SUMF1: variants seen among roughly 807,000 people sequenced by gnomAD.
The protein encoded by SUMF1 is sulfatase modifying factor 1.
Under a neutral mutation model 47.6 loss-of-function variants are expected in SUMF1, and 48 were observed. That is an observed-to-expected ratio of 1.01 (90% CI 0.80 to 1.28). The LOEUF (loss-of-function observed/expected upper bound fraction) is 1.28. SUMF1 is among the 50% of genes most tolerant of loss of function. The probability of loss-of-function intolerance (pLI) is 0.00; values close to 1 mark genes in which losing one functional copy is unlikely to be tolerated. For missense variants in SUMF1, 571 were observed against 485.4 expected (o/e 1.18, Z -1.66); for synonymous variants, 230 against 192.1 (o/e 1.20, Z -1.63).
intron 1 of SUMF1, among the ~76,000 whole-genome samples, chr3:4,456,847 T>TGTATATATATAC: frequency 1.0e-5 from 1 of 98,802 alleles, no homozygotes; most frequent in Non-Finnish European, 2.4e-5. Context: ...TATATATACG[T>TGTATATATATAC]GTGTGTATAT....
intron 9 of SUMF1, among the ~76,000 whole-genome samples, chr3:4,052,090 G>A (rs1325299259): frequency 6.6e-6 from 1 of 152,066 alleles, no homozygotes; most frequent in Non-Finnish European, 1.5e-5. Context: ...TTGTCTCATA[G>A]CTCTGGAGGC....
chr3:4,253,485 A>T (rs577585055), intron 8 of SUMF1, among the ~76,000 whole-genome samples: 1 of 152,064 alleles, frequency 6.6e-6, no homozygotes, highest in Non-Finnish European at 1.5e-5. Flanking sequence ...CTTTCCGAGT[A>T]AAAGAAAGGG....
chr3:4,208,425 C>T (rs1186097710), intron 8 of SUMF1, among the ~76,000 whole-genome samples: 1 of 143,600 alleles, frequency 7.0e-6, no homozygotes, highest in African/African-American at 2.6e-5. Context: ...CCCAGTATAT[C>T]ATGTCAACCT....
At chr3:4,190,572 C>A (rs1349381320) in intron 8 of SUMF1, among the ~76,000 whole-genome samples, 5 of 152,008 alleles carry the variant, frequency 3.3e-5, no homozygotes, top group Non-Finnish European at 5.9e-5. Flanking sequence ...ATAACAATCC[C>A]CTACATTTGT....
chr3:4,324,280 T>TTGGTATCATAGTTG (rs1287995952), intron 8 of SUMF1, among the ~76,000 whole-genome samples: 1 of 152,160 alleles, frequency 6.6e-6, no homozygotes, highest in East Asian at 1.9e-4. Flanking sequence ...TTGGTATCAT[T>TTGGTATCATAGTTG]GTTAATAGAA....
intron 9 of SUMF1, among the ~76,000 whole-genome samples, chr3:4,046,369 C>T (rs1016423232): frequency 6.6e-6 from 1 of 152,148 alleles, no homozygotes; most frequent in African/African-American, 2.4e-5. Flanking sequence ...AGATTACCTG[C>T]CCCAGTCTCC....
chr3:4,135,746 C>T (rs770539946), intron 8 of SUMF1, among the ~76,000 whole-genome samples: 1 of 152,172 alleles, frequency 6.6e-6, no homozygotes, highest in Non-Finnish European at 1.5e-5. Flanking sequence ...AGCCCAAAAT[C>T]TCCTTCAGCT....
intron 8 of SUMF1, among the ~76,000 whole-genome samples, chr3:4,161,916 C>T (rs1694586058): frequency 6.6e-6 from 1 of 152,020 alleles, no homozygotes; most frequent in Non-Finnish European, 1.5e-5. Flanking sequence ...TGCTGGGTCA[C>T]ACTGGAAGCC....
Position 4,281,802 on chromosome 3 carries a change from AAAG to A in SUMF1, c.1014+94525_1014+94527del, listed in dbSNP as rs375658546. Among the ~76,000 whole-genome samples the A allele has an allele frequency of 3.3e-4, 51 of 152,308 alleles. 1 individual carries two copies. Among genetic ancestry groups the A allele is most frequent in the African/African-American group, 1.1e-3 (46 of 41,576 alleles). On this transcript the variant is annotated intron_variant and NMD_transcript_variant, in intron 8 of 12. Transcript: ENST00000448413. Reference sequence around the variant, plus strand: ...GGAGGGTAGAGTGGAAGGAGTACAGAAAGAAGAAGAAAAGTGGGAACAGGAGTG... The same window carrying A: ...GGAGGGTAGAGTGGAAGGAGTACAGAAAGAAGAAAAGTGGGAACAGGAGTG...
At chr3:4,251,631 C>G (rs1028754281) in intron 8 of SUMF1, among the ~76,000 whole-genome samples, 4 of 152,206 alleles carry the variant, frequency 2.6e-5, no homozygotes, top group African/African-American at 9.6e-5. Flanking sequence ...TGACCTCCAT[C>G]CTGGTGAATA....
At chr3:4,069,499 G>A (rs1036639843) in intron 8 of SUMF1, among the ~76,000 whole-genome samples, 11 of 152,160 alleles carry the variant, frequency 7.2e-5, no homozygotes, top group Non-Finnish European at 1.6e-4. Flanking sequence ...GGAGATACAG[G>A]TAACATGCAA....
rs73120456 is a variant in SUMF1, at chr3:4,189,413, T to A, written c.1015-120668A>T. ...TTAAAAGACAGGCATGTTAATTAAA[T>A]TAAAATGTCTAAAATCCAAGTTCAT... On this transcript the variant is annotated intron_variant and NMD_transcript_variant, in intron 8 of 12. Transcript: ENST00000448413. Among the ~76,000 whole-genome samples, 1,420 of 152,280 alleles carry A rather than the reference T, an allele frequency of 9.3e-3. 23 individuals are homozygous for A. Among genetic ancestry groups the A allele is most frequent in the African/African-American group, 0.032 (1,350 of 41,546 alleles).
intron 8 of SUMF1, among the ~76,000 whole-genome samples, chr3:4,082,081 T>G (rs1413760928): frequency 6.6e-6 from 1 of 152,140 alleles, no homozygotes; most frequent in Non-Finnish European, 1.5e-5. Flanking sequence ...CAAGCACATA[T>G]GGGAAAATAT....
In SUMF1 at chr3:4,122,178, A is replaced by G. The variant is rs373603860; in HGVS notation, c.1015-53433T>C. On this transcript the variant is annotated intron_variant and NMD_transcript_variant, in intron 8 of 12. Coordinates refer to the SUMF1 transcript ENST00000448413. ...GGTGAATACAGCAGCAGCACTATTC[A>G]CAATAAGCAAAAGGTAGAAACAACT... Among the ~76,000 whole-genome samples the G allele has an allele frequency of 1.1e-4, 17 of 152,260 alleles. 3 individuals are homozygous for G. Among genetic ancestry groups the G allele is most frequent in the East Asian group, 1.9e-4 (1 of 5,186 alleles).
At chr3:4,210,079 G>GAGAC (rs1383187144) in intron 8 of SUMF1, among the ~76,000 whole-genome samples, 1 of 151,978 alleles carries the variant, frequency 6.6e-6, no homozygotes, top group African/African-American at 2.4e-5. Context: ...ATTTTTAGTA[G>GAGAC]AGACAAGGTT....
At chr3:4,376,241 A>T (rs1019263161) in intron 8 of SUMF1, 89 bp downstream of exon 8, 57 of 1,478,674 alleles carry the variant, frequency 3.9e-5, no homozygotes, top group Non-Finnish European at 5.3e-5. Context: ...TGCAGAAGTG[A>T]ATGAGACATT....
At chr3:4,396,102 T>C (rs950380665) in intron 7 of SUMF1, among the ~76,000 whole-genome samples, 2 of 152,194 alleles carry the variant, frequency 1.3e-5, no homozygotes, top group African/African-American at 2.4e-5. Context: ...CACCCACTCA[T>C]TGGCCTTATT....
chr3:4,190,592 C>T (rs1994271), intron 8 of SUMF1, among the ~76,000 whole-genome samples: 99,690 of 151,890 alleles, frequency 0.66, 32,853 homozygotes, highest in South Asian at 0.74. Context: ...TAGAACTCTG[C>T]ATCCATTGAT....
intron 8 of SUMF1, among the ~76,000 whole-genome samples, chr3:4,197,421 G>A (rs912387811): frequency 2.6e-5 from 4 of 152,080 alleles, no homozygotes; most frequent in African/African-American, 9.7e-5. Flanking sequence ...TTCACGGAAA[G>A]ATTAAACTTA....
Sources: gnomAD v4.1 joint callset for allele counts (sites outside exome capture counted in the v4.1 genomes callset) on GRCh38, gnomAD v4.1.1 for gene constraint, MANE v1.5 for transcripts, NCBI Gene and HGNC (gene_info 2026-07-23, HGNC 2026-07-21) for gene names.